Variants in NAALADL2 observed in about 807,000 individuals in gnomAD.
NAALADL2 encodes inactive N-acetylated-alpha-linked acidic dipeptidase-like protein 2.
NAALADL2 carries 76 observed loss-of-function variants against 87.2 expected under a neutral mutation model. That is an observed-to-expected ratio of 0.87 (90% CI 0.72 to 1.05). The LOEUF (loss-of-function observed/expected upper bound fraction) is 1.05. NAALADL2 is among the 50% of genes least tolerant of loss of function. The pLI is 0.00. For missense variants in NAALADL2, 1,089 were observed against 945.8 expected, an observed-to-expected ratio of 1.15 and a Z score of -1.99; for synonymous variants, 354 against 331.0, an observed-to-expected ratio of 1.07 and a Z score of -0.75.
At chr3:175,602,646 ATATT>A (rs1560832394) in intron 10 of NAALADL2, among the ~76,000 whole-genome samples, 1 of 152,166 alleles carries the variant, frequency 6.6e-6, no homozygotes, top group African/African-American at 2.4e-5. Flanking sequence ...GCACCAGTAG[ATATT>A]TATTATACAG....
chr3:175,600,601 G>T (rs369321431), intron 10 of NAALADL2, among the ~76,000 whole-genome samples: 1 of 135,402 alleles, frequency 7.4e-6, no homozygotes, highest in African/African-American at 2.8e-5. Flanking sequence ...CCAGTGGCGC[G>T]ATCTCGGCTC....
chr3:175,565,783 G>T (rs573790325), intron 9 of NAALADL2, among the ~76,000 whole-genome samples: 21 of 149,760 alleles, frequency 1.4e-4, no homozygotes, highest in South Asian at 8.5e-4. Flanking sequence ...TCTGTTACAT[G>T]GTTTGTTTAT....
At chr3:175,394,749 T>C (rs1031155208) in intron 5 of NAALADL2, among the ~76,000 whole-genome samples, 10 of 152,174 alleles carry the variant, frequency 6.6e-5, no homozygotes, top group African/African-American at 2.4e-4. Flanking sequence ...GCCATTACAG[T>C]CAATCAGCAC....
intron 1 of NAALADL2, among the ~76,000 whole-genome samples, chr3:174,882,584 C>T (rs1056584631): frequency 7.3e-5 from 10 of 136,724 alleles, no homozygotes; most frequent in East Asian, 4.0e-4. Context: ...TGCTTATACA[C>T]ATATGTGTAT....
rs998365316 is a variant in NAALADL2 at position 174,949,229 on chromosome 3, T to C, written c.43+89779T>C. Among the ~76,000 whole-genome samples the C allele has an allele frequency of 5.3e-5, 8 of 152,204 alleles. No homozygotes were observed. In the East Asian group the frequency reaches 1.3e-3, roughly 26 times the overall value. The stretch of plus-strand genomic sequence containing the variant: ...ACATAAACATTCAGGCCATAGCTCT[T>C]ACCCATAGCCCTTCAAATGGGCTTT... On this transcript the variant is annotated intron_variant, in intron 1 of 13. Coordinates refer to ENST00000454872, the MANE Select transcript of NAALADL2 (RefSeq NM_207015.3).
chr3:175,714,471 C>G (rs1486177378), intron 11 of NAALADL2, among the ~76,000 whole-genome samples: 2 of 152,186 alleles, frequency 1.3e-5, no homozygotes, highest in Non-Finnish European at 2.9e-5. Context: ...TTGCATTTCT[C>G]TAATGACCAG....
chr3:175,737,420 A>G, intron 12 of NAALADL2, 21 bp downstream of exon 12: 1 of 1,403,500 alleles, frequency 7.1e-7, no homozygotes, highest in East Asian at 2.3e-5. Flanking sequence ...TTTGAATTAT[A>G]GTAATTTTAC....
At chr3:174,465,878 G>T (rs1043228866) in intron 1 of NAALADL2, among the ~76,000 whole-genome samples, 5 of 151,750 alleles carry the variant, frequency 3.3e-5, no homozygotes, top group Non-Finnish European at 7.4e-5. Context: ...CCAGTTTTCA[G>T]TGTGTTTCTG....
chr3:175,417,881 C>G (rs1447425923), intron 5 of NAALADL2, among the ~76,000 whole-genome samples: 1 of 152,152 alleles, frequency 6.6e-6, no homozygotes, highest in African/African-American at 2.4e-5. Flanking sequence ...GGAAAAGTAG[C>G]TCCTTTCTTA....
At chr3:174,756,566 T>C (rs1320332632) in intron 3 of NAALADL2, among the ~76,000 whole-genome samples, 1 of 152,274 alleles carries the variant, frequency 6.6e-6, no homozygotes, top group Non-Finnish European at 1.5e-5. Flanking sequence ...CAGAGCAGAA[T>C]TAAGATGAAA....
At chr3:175,017,651 A>T (rs990049414) in intron 1 of NAALADL2, among the ~76,000 whole-genome samples, 3 of 152,112 alleles carry the variant, frequency 2.0e-5, no homozygotes, top group African/African-American at 7.2e-5. Flanking sequence ...GACTCAGACT[A>T]AAAATAGAAA....
At chr3:174,608,773 A>G (rs959337046) in intron 2 of NAALADL2, among the ~76,000 whole-genome samples, 1 of 148,250 alleles carries the variant, frequency 6.7e-6, no homozygotes, top group African/African-American at 2.5e-5. Flanking sequence ...AAACTATTCC[A>G]ATCAATAGAA....
Position 175,324,325 on chromosome 3 carries a change from G to A in NAALADL2, c.1090G>A (p.Asp364Asn), listed in dbSNP as rs377209179. ...DPSTPGYPSV[D>N]ESFRQSRSNL... ...TTCTACGCCTGGTTACCCAAGTGTC[G>A]GTAAGTTTGTTGGTCATCATTATTA... Residue 364 changes from aspartate (D) to asparagine (N), a missense_variant and splice_region_variant, in exon 5 of 14, where the codon GAT becomes AAT. Physicochemically the swap from Asp to Asn is conservative, Grantham distance 23. Coordinates refer to ENST00000454872, the MANE Select transcript of NAALADL2 (RefSeq NM_207015.3). The A allele has an allele frequency of 1.4e-5, 23 of 1,607,848 alleles. No individual in the cohort carries two copies. The African/African-American group carries it at 1.9e-4, about 13-fold the overall frequency.
At chr3:175,388,606 G>A (rs575755241) in intron 5 of NAALADL2, among the ~76,000 whole-genome samples, 2 of 152,172 alleles carry the variant, frequency 1.3e-5, no homozygotes, top group South Asian at 2.1e-4. Context: ...TAAGAGTACT[G>A]AGAGGGAAAT....
chr3:175,475,904 T>C (rs1036596760), intron 9 of NAALADL2, among the ~76,000 whole-genome samples: 7 of 151,976 alleles, frequency 4.6e-5, no homozygotes, highest in African/African-American at 1.4e-4. Flanking sequence ...AAATAGTTTG[T>C]AGAGATGGGG....
rs202232185 is a variant in NAALADL2, at chr3:175,300,783, ATTTATTTTAT to A, written c.940-23379_940-23370del. Among the ~76,000 whole-genome samples, 86 of 140,118 alleles carry A rather than the reference ATTTATTTTAT, an allele frequency of 6.1e-4. No homozygotes were observed. In the East Asian group the frequency reaches 7.3e-3, roughly 12 times the overall value. The allele number at this position is 140,118 out of a possible 152,430, so 91.9% of individuals were successfully genotyped here. A position where few individuals can be genotyped will look rare whatever the true frequency, so the allele number is the denominator to read the frequency against. ...TATTTATTTATTTATTTATTTATTT[ATTTATTTTAT>A]TTTATTTTATTTATTTTGAGCTCAC... On this transcript the variant is annotated intron_variant, in intron 4 of 13. Coordinates refer to ENST00000454872, the MANE Select transcript of NAALADL2 (RefSeq NM_207015.3).
At chr3:174,862,781 T>C (rs6767604) in intron 1 of NAALADL2, among the ~76,000 whole-genome samples, 74,596 of 152,002 alleles carry the variant, frequency 0.49, 19,317 homozygotes, top group African/African-American at 0.66. Flanking sequence ...CTGGGCTGTT[T>C]AATACACTTG....
chr3:174,923,382 A>G (rs549070922), intron 1 of NAALADL2, among the ~76,000 whole-genome samples: 2 of 152,190 alleles, frequency 1.3e-5, no homozygotes, highest in Non-Finnish European at 2.9e-5. Flanking sequence ...TATTTAATCA[A>G]TAACTAAATA....
At chr3:175,784,380 C>T (rs1429432793) in intron 13 of NAALADL2, among the ~76,000 whole-genome samples, 1 of 150,304 alleles carries the variant, frequency 6.7e-6, no homozygotes, top group African/African-American at 2.5e-5. Context: ...ACAATTTCAG[C>T]TCCTGTTATT....
Sources: gnomAD v4.1 joint callset for allele counts (sites outside exome capture counted in the v4.1 genomes callset) on GRCh38, gnomAD v4.1.1 for gene constraint, MANE v1.5 for transcripts, NCBI Gene and HGNC (gene_info 2026-07-23, HGNC 2026-07-21) for gene names.